Variants in KASH5 observed in about 807,000 individuals in gnomAD.
KASH5 encodes the protein protein KASH5.
In KASH5, 72 loss-of-function variants were observed where a neutral mutation model predicts 84.2. The ratio of observed to expected loss-of-function variants is 0.85; its 90% CI spans 0.71 to 1.04. The LOEUF (loss-of-function observed/expected upper bound fraction) is 1.04, where lower values mean the gene tolerates loss of function less well. Among genes scored for constraint, KASH5 ranks in the 50% least tolerant of loss-of-function variants. KASH5 has a pLI of 0.00. For synonymous variants in KASH5, 260 were observed against 279.1 expected (o/e 0.93, Z 0.68); for missense variants, 650 against 701.0 (o/e 0.93, Z 0.82).
intron 2 of KASH5, 125 bp from the exon 3 acceptor site, chr19:49,394,351 C>T (rs754479185): frequency 2.6e-5 from 18 of 683,306 alleles, no homozygotes; most frequent in Middle Eastern, 2.5e-4. Context: ...CCCACCCGCC[C>T]GAACTCTCAG....
chr19:49,394,902 T>G (rs1001360617), intron 3 of KASH5: 1 of 590,706 alleles, frequency 1.7e-6, no homozygotes, highest in African/African-American at 1.9e-5. Context: ...GTTTACCCTG[T>G]GATGGGGGGA....
chr19:49,402,047 G>C lies in KASH5; in HGVS notation c.798+2540G>C, dbSNP rs568399110. Reference sequence around the variant, plus strand: ...ACCTGAGATCAGGAGTTCGAGACCAGCCTGGCCAACACGGTGAAGCCCCAT... The same window carrying C: ...ACCTGAGATCAGGAGTTCGAGACCACCCTGGCCAACACGGTGAAGCCCCAT... On this transcript the variant is annotated intron_variant, in intron 9 of 19. Transcript: ENST00000447857. Among the ~76,000 whole-genome samples the C allele has an allele frequency of 2.7e-5, 4 of 150,780 alleles. No homozygotes were observed. In the South Asian group the frequency reaches 8.4e-4, roughly 32 times the overall value.
At chr19:49,406,630 C>A (rs549315927) in intron 9 of KASH5, among the ~76,000 whole-genome samples, 5 of 152,216 alleles carry the variant, frequency 3.3e-5, no homozygotes, top group Non-Finnish European at 7.3e-5. Flanking sequence ...CCGCCTCAGC[C>A]TCCCAAAGTG....
At position 49,411,440 on chromosome 19, in the gene KASH5, T is replaced by C. The variant is rs1203127724; in HGVS notation, c.1270-1528T>C. On this transcript the variant is annotated intron_variant, in intron 15 of 19. Coordinates refer to ENST00000447857, the MANE Select transcript of KASH5 (RefSeq NM_144688.5). ...GAGCTTGTTTGGGTTCTCATTTAAC[T>C]CTCCCAGTATCTCTGTAAGGCAGGC... Among the ~76,000 whole-genome samples, 9 of 152,294 alleles carry C rather than the reference T, an allele frequency of 5.9e-5. No homozygotes were observed. The South Asian group carries it at 1.0e-3, about 18-fold the overall frequency.
In KASH5 at chr19:49,390,918, C is replaced by G. The variant is rs771951345; in HGVS notation, c.35C>G (p.Thr12Ser). Reference sequence around the variant, plus strand: ...CCCGAGGGCCCGGTGGGTGGCCCCACTGCGGAAAGTAAGTGGCTGGAACCC... The same window carrying G: ...CCCGAGGGCCCGGTGGGTGGCCCCAGTGCGGAAAGTAAGTGGCTGGAACCC... ...DLPEGPVGGP[T>S]AEMYLRERPE... Residue 12 changes from threonine to serine, a missense_variant, in exon 2 of 20, where the codon ACT becomes AGT. Physicochemically the swap from Thr to Ser is moderately conservative, Grantham distance 58. Coordinates refer to ENST00000447857, the MANE Select transcript of KASH5 (RefSeq NM_144688.5). The G allele has an allele frequency of 1.9e-6, 3 of 1,604,868 alleles. No homozygotes were observed. The highest frequency in any genetic ancestry group is 2.6e-6 in the Non-Finnish European group (3 of 1,176,400).
intron 5 of KASH5, among the ~76,000 whole-genome samples, chr19:49,397,056 T>TAA (rs78548512): frequency 2.6e-4 from 36 of 135,962 alleles, no homozygotes; most frequent in African/African-American, 8.1e-4. Flanking sequence ...TCCTGTCTTT[T>TAA]AAAAAAAAAA....
intron 17 of KASH5, among the ~76,000 whole-genome samples, chr19:49,415,908 T>C (rs1382804549): frequency 6.6e-6 from 1 of 152,180 alleles, no homozygotes; most frequent in Admixed American, 6.5e-5. Context: ...ATCATCCTCA[T>C]CTGTGTTAAA....
At chr19:49,413,335 G>A (rs1194112014) in intron 16 of KASH5, among the ~76,000 whole-genome samples, 2 of 152,196 alleles carry the variant, frequency 1.3e-5, no homozygotes, top group South Asian at 2.1e-4. Flanking sequence ...GTACTTTGCA[G>A]TCAGGCTGGT....
Position 49,398,015 on chromosome 19 carries a change from G to A in KASH5, c.501G>A (p.Glu167=), listed in dbSNP as rs1974237921. Residue 167 remains glutamate, a synonymous_variant, in exon 7 of 20, where the codon GAG becomes GAA. Transcript: ENST00000447857. The part of the protein sequence containing the change: ...QATADLLSSL[E]DLELSNRRLV... ...CAGCTGACCTGCTGAGCAGCCTGGA[G>A]GACCTGGAGCTCAGCAACCGACGTC... is the stretch of plus-strand genomic sequence containing the variant. 2 of 1,613,822 alleles carry A rather than the reference G, an allele frequency of 1.2e-6. No individual in the cohort carries two copies. Among genetic ancestry groups the A allele is most frequent in the South Asian group, 2.2e-5 (2 of 91,072 alleles).
At chr19:49,394,972 A>C in intron 3 of KASH5, 134 bp from the exon 4 acceptor site, 1 of 663,810 alleles carries the variant, frequency 1.5e-6, no homozygotes, top group Non-Finnish European at 2.5e-6. Flanking sequence ...GGGCTTGCCC[A>C]GTGTGTCTCC....
Position 49,412,899 on chromosome 19 carries a change from T to TG in KASH5, c.1270-66dup. ...GGTCTGGGACCGGCGGGGGAGACAGTGGGCACTGTTAGGGTTGGAGCTTTG... is the reference window on the plus strand; with the variant it reads ...GGTCTGGGACCGGCGGGGGAGACAGTGGGGCACTGTTAGGGTTGGAGCTTTG... On this transcript the variant is annotated intron_variant, in intron 15 of 19. Transcript: ENST00000447857. This position sits in a 1 kb window ranked among gnomAD's most constrained non-coding sequence, Gnocchi z 4.6. 6.6e-7 allele frequency: 1 copy of TG among 1,510,376 alleles called. No individual in the cohort carries two copies. Among genetic ancestry groups the TG allele is most frequent in the Non-Finnish European group, 9.1e-7 (1 of 1,098,152 alleles). 93.6% of individuals were successfully genotyped at this position (1,510,376 alleles called of 1,614,324 possible).
Position 49,412,187 on chromosome 19 carries a change from AT to A in KASH5, c.1270-780del, listed in dbSNP as rs1016114696. ...TGGGGTCAGCTCCGGGCTTAAAAAG[AT>A]CCCTCTGGAACCATGTGAGGGACCT... On this transcript the variant is annotated intron_variant, in intron 15 of 19. Transcript: ENST00000447857. The surrounding 1 kb of genome is among the most constrained non-coding windows in gnomAD (Gnocchi z 4.6). 1.3e-5 allele frequency among the ~76,000 whole-genome samples: 2 copies of A among 152,128 alleles called. No individual in the cohort carries two copies. The highest frequency in any genetic ancestry group is 4.8e-5 in the African/African-American group (2 of 41,420).
chr19:49,412,948 T>TTG lies in KASH5; in HGVS notation c.1270-20_1270-19insTG. ...TGAGTGAGAAGAATCAGAGAAGAAC[T>TTG]AACCTTTTTGTTTCCACAGAGAAAC... On this transcript the variant is annotated intron_variant, in intron 15 of 19. Coordinates refer to ENST00000447857, the MANE Select transcript of KASH5 (RefSeq NM_144688.5). The surrounding 1 kb of genome is among the most constrained non-coding windows in gnomAD (Gnocchi z 4.6). 1 of 1,613,356 alleles carries TTG rather than the reference T, an allele frequency of 6.2e-7. No individual in the cohort carries two copies. Among genetic ancestry groups the TTG allele is most frequent in the Non-Finnish European group, 8.5e-7 (1 of 1,179,526 alleles).
chr19:49,399,918 A>C lies in KASH5; in HGVS notation c.798+411A>C, dbSNP rs562951275. ...CTAAAAGTTATCTAGCATTGTTTCT[A>C]TATTAGTATTTTTTACAGTGAATAA... is the stretch of plus-strand genomic sequence containing the variant. On this transcript the variant is annotated intron_variant, in intron 9 of 19. Transcript: ENST00000447857. The surrounding 1 kb of genome is among the most constrained non-coding windows in gnomAD (Gnocchi z 4.4). 4.6e-4 allele frequency: 88 copies of C among 192,850 alleles called. No homozygotes were observed. The highest frequency in any genetic ancestry group is 1.9e-3 in the African/African-American group (81 of 43,656). The allele number at this position is 192,850 out of a possible 1,614,324, so 11.9% of individuals were successfully genotyped here.
At chr19:49,403,548 A>C (rs972079368) in intron 9 of KASH5, among the ~76,000 whole-genome samples, 5 of 152,148 alleles carry the variant, frequency 3.3e-5, no homozygotes, top group Admixed American at 1.3e-4. Context: ...CAGCCTCTAG[A>C]GTGGCAGGTG....
Position 49,399,634 on chromosome 19 carries a change from G to A in KASH5, c.798+127G>A, listed in dbSNP as rs1035066346. 12 of 1,534,184 alleles carry A rather than the reference G, an allele frequency of 7.8e-6. No individual in the cohort carries two copies. In the African/African-American group the frequency reaches 1.5e-4, roughly 19 times the overall value. On this transcript the variant is annotated intron_variant, in intron 9 of 19. Coordinates refer to ENST00000447857, the MANE Select transcript of KASH5 (RefSeq NM_144688.5). The surrounding 1 kb of genome is among the most constrained non-coding windows in gnomAD (Gnocchi z 4.4). ...GAGACCTCAGAATGTCAGTAGTGTGGGAATGTCCCTGAGGTTATATCACAC... is the reference window on the plus strand; with the variant it reads ...GAGACCTCAGAATGTCAGTAGTGTGAGAATGTCCCTGAGGTTATATCACAC...
At chr19:49,403,228 T>C (rs1230918958) in intron 9 of KASH5, among the ~76,000 whole-genome samples, 3 of 152,122 alleles carry the variant, frequency 2.0e-5, no homozygotes, top group African/African-American at 7.2e-5. Flanking sequence ...AAATAATTAG[T>C]TGGGCATGGC....
intron 5 of KASH5, among the ~76,000 whole-genome samples, chr19:49,396,206 C>A (rs1236144746): frequency 6.6e-6 from 1 of 150,704 alleles, no homozygotes; most frequent in Non-Finnish European, 1.5e-5. Flanking sequence ...CTTGCTCAGG[C>A]TGTTCCCCTC....
In KASH5 at chr19:49,395,693, C is replaced by T; in HGVS notation, c.336-76C>T. 6.9e-7 allele frequency: 1 copy of T among 1,451,134 alleles called. No homozygotes were observed. The highest frequency in any genetic ancestry group is 2.0e-5 in the Admixed American group (1 of 50,676). The allele number at this position is 1,451,134 out of a possible 1,614,324, so 89.9% of individuals were successfully genotyped here. On this transcript the variant is annotated intron_variant, in intron 4 of 19. Coordinates refer to ENST00000447857, the MANE Select transcript of KASH5 (RefSeq NM_144688.5). This position sits in a 1 kb window ranked among gnomAD's most constrained non-coding sequence, Gnocchi z 4.4. Reference sequence around the variant, plus strand: ...TGACCCGGTCCCCTCCTCCCACCTGCAATCCCCCTGCCTGTGGCTGGTGAG... The same window carrying T: ...TGACCCGGTCCCCTCCTCCCACCTGTAATCCCCCTGCCTGTGGCTGGTGAG...
Sources: allele counts gnomAD v4.1 joint callset (sites outside exome capture counted in the v4.1 genomes callset), GRCh38; gene constraint gnomAD v4.1.1; non-coding constraint Gnocchi (gnomAD v3.1); transcripts MANE v1.5; gene names NCBI Gene and HGNC (gene_info 2026-07-23, HGNC 2026-07-21).